The following COMMD1 variants were observed in gnomAD, a reference collection of about 807,000 sequenced individuals.
The protein encoded by COMMD1 is COMM domain-containing protein 1.
COMMD1 carries 10 observed loss-of-function variants against 17.2 expected under a neutral mutation model. That is an observed-to-expected ratio of 0.58 (90% CI 0.36 to 0.99). The LOEUF (loss-of-function observed/expected upper bound fraction) is 0.99. Among genes scored for constraint, COMMD1 ranks in the 50% least tolerant of loss-of-function variants. COMMD1 has a pLI of 0.01. For missense variants in COMMD1, 270 were observed against 231.8 expected, an observed-to-expected ratio of 1.17 and a Z score of -1.07; for synonymous variants, 97 against 91.6, an observed-to-expected ratio of 1.06 and a Z score of -0.34.
rs1300299393 is a variant in COMMD1 at position 62,092,927 on chromosome 2, T to C, written c.463-42904T>C. Among the ~76,000 whole-genome samples the C allele has an allele frequency of 3.9e-5, 6 of 152,160 alleles. No homozygotes were observed. The East Asian group carries it at 5.8e-4, about 15-fold the overall frequency. Reference sequence around the variant, plus strand: ...TAAAAGCCTCTGTCAACTTAGCTAATTGAGTTTTTATTGTGCTATTTGTCC... The same window carrying C: ...TAAAAGCCTCTGTCAACTTAGCTAACTGAGTTTTTATTGTGCTATTTGTCC... On this transcript the variant is annotated intron_variant, in intron 2 of 2. Coordinates refer to ENST00000311832, the MANE Select transcript of COMMD1 (RefSeq NM_152516.4).
At chr2:61,940,946 C>T (rs894563709) in intron 1 of COMMD1, among the ~76,000 whole-genome samples, 2 of 151,978 alleles carry the variant, frequency 1.3e-5, no homozygotes, top group African/African-American at 4.8e-5. Flanking sequence ...CCTCGGCCTC[C>T]CAAAGTGCTG....
At chr2:62,078,154 A>C (rs972930347) in intron 2 of COMMD1, among the ~76,000 whole-genome samples, 13 of 142,320 alleles carry the variant, frequency 9.1e-5, no homozygotes, top group African/African-American at 3.4e-4. Flanking sequence ...AGGCACCTGT[A>C]GTCCCTGCTA....
intron 1 of COMMD1, among the ~76,000 whole-genome samples, chr2:61,960,636 A>G (rs1339535830): frequency 2.0e-5 from 3 of 152,162 alleles, no homozygotes; most frequent in East Asian, 1.9e-4. Context: ...CTGGGTTTTA[A>G]TCATTACACA....
At chr2:61,888,585 G>A (rs1572931428), upstream of COMMD1, 6 of 1,523,966 alleles carry the variant, frequency 3.9e-6, no homozygotes, top group South Asian at 1.2e-5. Flanking sequence ...TGTAATAACG[G>A]TAAGCCCTCA....
At position 62,090,091 on chromosome 2, in the gene COMMD1, T is replaced by TA. The variant is rs753749958; in HGVS notation, c.463-45730dup. ...ATGGAGTCAGGCCTAGGGTTTAGTC[T>TA]AAAAAAAAAATCCCAGGTCATATTT... On this transcript the variant is annotated intron_variant, in intron 2 of 2. Transcript: ENST00000311832. 6.9e-4 allele frequency among the ~76,000 whole-genome samples: 103 copies of TA among 149,296 alleles called. 2 individuals are homozygous for TA. The East Asian group carries it at 0.012, about 18-fold the overall frequency.
chr2:61,937,657 C>G (rs367606720), intron 1 of COMMD1, among the ~76,000 whole-genome samples: 3 of 152,178 alleles, frequency 2.0e-5, no homozygotes, highest in South Asian at 4.1e-4. Context: ...AACTTCTATG[C>G]TACGCATTGA....
intron 1 of COMMD1, among the ~76,000 whole-genome samples, chr2:61,956,376 T>C (rs534890997): frequency 2.9e-4 from 44 of 152,182 alleles, no homozygotes; most frequent in African/African-American, 1.0e-3. Context: ...TTCAGATGCA[T>C]TAAATGTTAG....
chr2:61,970,262 C>CAAAA (rs112830731), intron 1 of COMMD1, among the ~76,000 whole-genome samples: 1 of 81,104 alleles, frequency 1.2e-5, no homozygotes, highest in Non-Finnish European at 2.6e-5. Flanking sequence ...AACTCCACCT[C>CAAAA]AAAAAAAAAA....
intron 2 of COMMD1, among the ~76,000 whole-genome samples, chr2:62,130,706 A>C (rs1361063132): frequency 6.6e-6 from 1 of 152,210 alleles, no homozygotes; most frequent in African/African-American, 2.4e-5. Context: ...AGTATTTAAT[A>C]TGTGATAAGT....
chr2:61,939,022 C>T lies in COMMD1; in HGVS notation c.180+33164C>T, dbSNP rs146751715. ...AAACAAAAGTTAGTGTCAAGTGTTA[C>T]ACTTTTCCTTTGAAACAATTTCTCT... is the stretch of plus-strand genomic sequence containing the variant. On this transcript the variant is annotated intron_variant, in intron 1 of 2. Transcript: ENST00000311832. Among the ~76,000 whole-genome samples the T allele has an allele frequency of 1.2e-3, 183 of 152,220 alleles. 6 individuals are homozygous for T. The East Asian group carries it at 0.032, about 27-fold the overall frequency.
chr2:61,933,478 A>G (rs1670522862), intron 1 of COMMD1, among the ~76,000 whole-genome samples: 1 of 151,984 alleles, frequency 6.6e-6, no homozygotes, highest in Non-Finnish European at 1.5e-5. Flanking sequence ...TCCAGGCTTA[A>G]GGGTGGGGTT....
intron 1 of COMMD1, among the ~76,000 whole-genome samples, chr2:61,924,895 G>C (rs993420769): frequency 6.6e-6 from 1 of 152,196 alleles, no homozygotes; most frequent in Non-Finnish European, 1.5e-5. Flanking sequence ...CGTGGAACTT[G>C]TCTGGAATAG....
intron 1 of COMMD1, among the ~76,000 whole-genome samples, chr2:61,969,591 T>A (rs185424884): frequency 6.6e-6 from 1 of 152,360 alleles, no homozygotes; most frequent in African/African-American, 2.4e-5. Flanking sequence ...TTTGTGGTAA[T>A]TGAACTGTTG....
At chr2:62,015,679 A>G (rs77284253) in intron 2 of COMMD1, among the ~76,000 whole-genome samples, 24 of 137,604 alleles carry the variant, frequency 1.7e-4, no homozygotes, top group African/African-American at 3.9e-4. Flanking sequence ...CCTCACTAAC[A>G]CTTGTTAGTT....
chr2:61,922,279 G>A (rs1437851903), intron 1 of COMMD1, among the ~76,000 whole-genome samples: 1 of 152,156 alleles, frequency 6.6e-6, no homozygotes, highest in Non-Finnish European at 1.5e-5. Context: ...TGAAGATTGT[G>A]CTTCCATCCT....
chr2:61,982,621 G>T (rs964308972), intron 1 of COMMD1, among the ~76,000 whole-genome samples: 1 of 152,112 alleles, frequency 6.6e-6, no homozygotes, highest in Non-Finnish European at 1.5e-5. Context: ...CTATGGATCT[G>T]TCATATATGG....
chr2:62,047,180 A>G (rs1412118134), intron 2 of COMMD1, among the ~76,000 whole-genome samples: 1 of 152,198 alleles, frequency 6.6e-6, no homozygotes, highest in Non-Finnish European at 1.5e-5. Flanking sequence ...CATGTATCCC[A>G]TAATGATCTT....
Position 62,116,707 on chromosome 2 carries a change from C to T in COMMD1, c.463-19124C>T, listed in dbSNP as rs1308593281. Among the ~76,000 whole-genome samples, 10 of 146,236 alleles carry T rather than the reference C, an allele frequency of 6.8e-5. No individual in the cohort carries two copies. The East Asian group carries it at 1.4e-3, about 20-fold the overall frequency. On this transcript the variant is annotated intron_variant, in intron 2 of 2. Coordinates refer to ENST00000311832, the MANE Select transcript of COMMD1 (RefSeq NM_152516.4). Reference sequence around the variant, plus strand: ...AAAAAAAAAAAAAAAAAAAAAAGGCCGGGCGTGGTGGCTCATGCCTGTAAA... The same window carrying T: ...AAAAAAAAAAAAAAAAAAAAAAGGCTGGGCGTGGTGGCTCATGCCTGTAAA...
chr2:61,888,633 C>G (rs1038674905), upstream of COMMD1: 1 of 1,169,576 alleles, frequency 8.6e-7, no homozygotes, highest in African/African-American at 1.6e-5. Flanking sequence ...GCGCCGGCGT[C>G]GGGAGGAGGC....
Sources: gnomAD v4.1 joint callset for allele counts (sites outside exome capture counted in the v4.1 genomes callset) on GRCh38, gnomAD v4.1.1 for gene constraint, MANE v1.5 for transcripts, NCBI Gene and HGNC (gene_info 2026-07-23, HGNC 2026-07-21) for gene names.